RPA3: variants seen among roughly 807,000 people sequenced by gnomAD.
RPA3 encodes the protein replication protein A3.
Under a neutral mutation model 13.7 loss-of-function variants are expected in RPA3, and 24 were observed. That is an observed-to-expected ratio of 1.75 (90% CI 1.27 to 2.46). RPA3 has a LOEUF of 2.46. Ranked by LOEUF, RPA3 falls within the 30% of genes most tolerant of loss-of-function variation. The pLI, the probability that RPA3 is intolerant of heterozygous loss-of-function variation, is 0.00. For missense variants in RPA3, 183 were observed against 151.0 expected, an observed-to-expected ratio of 1.21 and a Z score of -1.11; for synonymous variants, 59 against 51.2, an observed-to-expected ratio of 1.15 and a Z score of -0.65.
At chr7:7,643,729 ACAAACGAAAAAAAAAG>A (rs1563077072) in intron 4 of RPA3, among the ~76,000 whole-genome samples, 1,372 of 8,176 alleles carry the variant, frequency 0.17, 40 homozygotes, top group African/African-American at 0.34. Context: ...AAAAAAACAA[ACAAACGAAAAAAAAAG>A]GATCAACGGT....
intron 5 of RPA3, 108 bp downstream of exon 5, chr7:7,640,212 G>GGGGC: frequency 8.5e-7 from 1 of 1,176,890 alleles, no homozygotes; most frequent in Non-Finnish European, 1.3e-6. Context: ...AAAGGAGTCG[G>GGGGC]GGGCGCAGTG....
Position 7,655,224 on chromosome 7 carries a change from G to A in RPA3, c.-757-14049C>T, listed in dbSNP as rs7807907. Among the ~76,000 whole-genome samples, 877 of 152,174 alleles carry A rather than the reference G, an allele frequency of 5.8e-3. 9 individuals carry two copies. Among genetic ancestry groups the A allele is most frequent in the African/African-American group, 0.02 (838 of 41,506 alleles). On this transcript the variant is annotated intron_variant, in intron 4 of 7. Transcript: ENST00000223129. ...GCCAGCCATTAAAAGTCATCCAGTC[G>A]TGGGAATAAACTAGACTGCCCCTTC...
In RPA3 at chr7:7,704,766, CAAAAAAAAAAAA is replaced by C. The variant is rs71011001; in HGVS notation, c.-1028+10397_-1028+10408del. 5.0e-4 allele frequency among the ~76,000 whole-genome samples: 9 copies of C among 17,854 alleles called. 1 individual carries two copies. The highest frequency in any genetic ancestry group is 1.9e-3 in the African/African-American group (9 of 4,808). The allele number at this position is 17,854 out of a possible 152,430, so 11.7% of individuals were successfully genotyped here. On this transcript the variant is annotated intron_variant, in intron 2 of 7. Coordinates refer to ENST00000223129, the MANE Select transcript of RPA3 (RefSeq NM_002947.5). Reference sequence around the variant, plus strand: ...TGGGTGACAGAGCGAGACTCCATCTCAAAAAAAAAAAAAAAAAAAAAAAAAAAGACTTGCTTC... The same window carrying C: ...TGGGTGACAGAGCGAGACTCCATCTCAAAAAAAAAAAAAAAGACTTGCTTC...
At chr7:7,663,982 G>A (rs1779368108) in intron 4 of RPA3, among the ~76,000 whole-genome samples, 1 of 152,156 alleles carries the variant, frequency 6.6e-6, no homozygotes, top group African/African-American at 2.4e-5. Flanking sequence ...ATTAGATTTA[G>A]GCTATTAATT....
chr7:7,682,843 C>T (rs780132199), intron 4 of RPA3, among the ~76,000 whole-genome samples: 18 of 152,186 alleles, frequency 1.2e-4, no homozygotes, highest in Non-Finnish European at 1.9e-4. Flanking sequence ...CAGGATTTTT[C>T]AACTAACTTC....
At chr7:7,709,562 A>G (rs527874954) in intron 2 of RPA3, among the ~76,000 whole-genome samples, 22 of 152,370 alleles carry the variant, frequency 1.4e-4, no homozygotes, top group African/African-American at 5.0e-4. Flanking sequence ...TGCAAGGGCA[A>G]AATGAGGCTT....
intron 4 of RPA3, among the ~76,000 whole-genome samples, chr7:7,642,407 C>T (rs1165328471): frequency 6.6e-6 from 1 of 152,116 alleles, no homozygotes; most frequent in East Asian, 1.9e-4. Flanking sequence ...CTCCCTCCCC[C>T]GTCTCCCTCC....
chr7:7,711,023 C>T (rs1780745798), intron 2 of RPA3, among the ~76,000 whole-genome samples: 1 of 151,982 alleles, frequency 6.6e-6, no homozygotes, highest in Admixed American at 6.6e-5. Flanking sequence ...TCATTGGTCG[C>T]CGGTGGGTAA....
chr7:7,638,045 T>A, intron 6 of RPA3, 73 bp from the exon 7 acceptor site: 2 of 1,059,474 alleles, frequency 1.9e-6, no homozygotes, highest in Non-Finnish European at 2.9e-6. Flanking sequence ...AAAACTGTTA[T>A]ACAGGTTACT....
chr7:7,663,128 T>C (rs1365238942), intron 4 of RPA3, among the ~76,000 whole-genome samples: 1 of 151,832 alleles, frequency 6.6e-6, no homozygotes, highest in Non-Finnish European at 1.5e-5. Context: ...CTCTCAATCT[T>C]TTTGCCTTCT....
chr7:7,680,128 C>T (rs1419481916), intron 4 of RPA3, among the ~76,000 whole-genome samples: 1 of 152,062 alleles, frequency 6.6e-6, no homozygotes, highest in African/African-American at 2.4e-5. Flanking sequence ...GATTACTGTC[C>T]TGTAGCATTT....
At chr7:7,694,976 G>A (rs1482509139) in intron 2 of RPA3, among the ~76,000 whole-genome samples, 4 of 152,140 alleles carry the variant, frequency 2.6e-5, no homozygotes, top group Non-Finnish European at 5.9e-5. Flanking sequence ...GTTCTCCATA[G>A]TGGTTGTACT....
At chr7:7,665,327 G>A (rs576295352) in intron 4 of RPA3, among the ~76,000 whole-genome samples, 1 of 152,288 alleles carries the variant, frequency 6.6e-6, no homozygotes, top group African/African-American at 2.4e-5. Flanking sequence ...CGCAGTCTGT[G>A]TATACCATTA....
chr7:7,718,029 A>G (rs1471908597), intron 1 of RPA3, among the ~76,000 whole-genome samples: 1 of 152,224 alleles, frequency 6.6e-6, no homozygotes. Context: ...AATTGACACA[A>G]TGATTTTTAA....
At chr7:7,695,422 C>T (rs548435479) in intron 2 of RPA3, among the ~76,000 whole-genome samples, 1 of 152,172 alleles carries the variant, frequency 6.6e-6, no homozygotes, top group South Asian at 2.1e-4. Context: ...TCTGTCTTTT[C>T]TAGACATAAT....
At chr7:7,673,326 A>C in intron 4 of RPA3, 2 of 1,133,292 alleles carry the variant, frequency 1.8e-6, no homozygotes, top group Non-Finnish European at 2.5e-6. Flanking sequence ...CAGCAGCAGC[A>C]GCAGCAGCAG....
At position 7,670,545 on chromosome 7, in the gene RPA3, C is replaced by T. The variant is rs28916001; in HGVS notation, c.-758+15285G>A. Among the ~76,000 whole-genome samples, 520 of 152,300 alleles carry T rather than the reference C, an allele frequency of 3.4e-3. 4 individuals carry two copies. The highest frequency in any genetic ancestry group is 0.011 in the African/African-American group (466 of 41,560). ...GTTCACCATATATTCAGATCTGTCT[C>T]TCTACTACTATAGGCAAAGTAACTC... On this transcript the variant is annotated intron_variant, in intron 4 of 7. Coordinates refer to ENST00000223129, the MANE Select transcript of RPA3 (RefSeq NM_002947.5).
chr7:7,657,286 T>C (rs1156848472), intron 4 of RPA3, among the ~76,000 whole-genome samples: 1 of 152,226 alleles, frequency 6.6e-6, no homozygotes, highest in Non-Finnish European at 1.5e-5. Flanking sequence ...GATGATAGTT[T>C]CTTTTGCTGT....
chr7:7,642,412 C>T (rs576919856), intron 4 of RPA3, among the ~76,000 whole-genome samples: 1 of 151,978 alleles, frequency 6.6e-6, no homozygotes, highest in East Asian at 1.9e-4. Flanking sequence ...TCCCCCGTCT[C>T]CCTCCCAAAG....
Sources: gnomAD v4.1 joint callset for allele counts (sites outside exome capture counted in the v4.1 genomes callset) on GRCh38, gnomAD v4.1.1 for gene constraint, MANE v1.5 for transcripts, NCBI Gene and HGNC (gene_info 2026-07-23, HGNC 2026-07-21) for gene names.